The following ZDHHC14 variants were observed in gnomAD, a reference collection of about 807,000 sequenced individuals.
The protein encoded by ZDHHC14 is palmitoyltransferase ZDHHC14.
Under a neutral mutation model 47.7 loss-of-function variants are expected in ZDHHC14, and 16 were observed. The observed-to-expected ratio is 0.34, with a 90% confidence interval of 0.23 to 0.51. The LOEUF (loss-of-function observed/expected upper bound fraction) is 0.51, where lower values mean the gene tolerates loss of function less well. Ranked by LOEUF, ZDHHC14 falls within the 20% of genes least tolerant of loss-of-function variation. ZDHHC14 has a pLI of 0.97. For missense variants in ZDHHC14, 515 were observed against 662.5 expected, an observed-to-expected ratio of 0.78 and a Z score of 2.44; for synonymous variants, 293 against 278.9, an observed-to-expected ratio of 1.05 and a Z score of -0.50.
intron 8 of ZDHHC14, among the ~76,000 whole-genome samples, chr6:157,667,248 T>C (rs1778591610): frequency 1.3e-5 from 2 of 152,212 alleles, no homozygotes; most frequent in Non-Finnish European, 1.5e-5. Context: ...TAGGATTATA[T>C]AACTGGTTAG....
At chr6:157,666,594 T>G (rs951775379) in intron 8 of ZDHHC14, among the ~76,000 whole-genome samples, 1 of 152,222 alleles carries the variant, frequency 6.6e-6, no homozygotes, top group Non-Finnish European at 1.5e-5. Context: ...CAGAAATACA[T>G]GATGCGTAAC....
intron 1 of ZDHHC14, among the ~76,000 whole-genome samples, chr6:157,462,962 T>C (rs1171042208): frequency 6.6e-6 from 1 of 152,234 alleles, no homozygotes; most frequent in African/African-American, 2.4e-5. Context: ...AAGAATAAAA[T>C]ACTGCTGTTT....
chr6:157,651,628 G>A (rs1321543551), intron 7 of ZDHHC14, among the ~76,000 whole-genome samples: 1 of 151,940 alleles, frequency 6.6e-6, no homozygotes, highest in Admixed American at 6.6e-5. Context: ...GAGTGCAATG[G>A]CATGATCTTG....
chr6:157,544,249 C>T (rs1781876746), intron 2 of ZDHHC14, among the ~76,000 whole-genome samples: 1 of 152,246 alleles, frequency 6.6e-6, no homozygotes, highest in Non-Finnish European at 1.5e-5. Flanking sequence ...GCCCAGCTCC[C>T]ATACTGGGGG....
intron 1 of ZDHHC14, among the ~76,000 whole-genome samples, chr6:157,504,771 G>A (rs1310789279): frequency 2.0e-5 from 3 of 146,542 alleles, no homozygotes; most frequent in African/African-American, 5.1e-5. Context: ...ACTACATGCA[G>A]TAAAATACCA....
intron 1 of ZDHHC14, among the ~76,000 whole-genome samples, chr6:157,461,626 G>T (rs1290586358): frequency 2.0e-5 from 3 of 152,292 alleles, no homozygotes; most frequent in African/African-American, 7.2e-5. Context: ...GGGTCTTGAA[G>T]TTAGCAGCCT....
chr6:157,383,656 G>A (rs756853028), intron 1 of ZDHHC14, among the ~76,000 whole-genome samples: 1 of 152,174 alleles, frequency 6.6e-6, no homozygotes, highest in Non-Finnish European at 1.5e-5. Context: ...TGATTTAAGC[G>A]AATTCCCCTT....
At chr6:157,580,344 T>C (rs558662065) in intron 2 of ZDHHC14, among the ~76,000 whole-genome samples, 1 of 152,326 alleles carries the variant, frequency 6.6e-6, no homozygotes, top group Non-Finnish European at 1.5e-5. Flanking sequence ...TTTGGGATAT[T>C]GGCCTGGGGT....
At chr6:157,609,087 G>C (rs1784657764) in intron 3 of ZDHHC14, among the ~76,000 whole-genome samples, 1 of 152,186 alleles carries the variant, frequency 6.6e-6, no homozygotes. Context: ...ATTTTAAGTG[G>C]ATCATGGCTT....
At chr6:157,385,011 G>A (rs1777283535) in intron 1 of ZDHHC14, among the ~76,000 whole-genome samples, 1 of 152,066 alleles carries the variant, frequency 6.6e-6, no homozygotes, top group Non-Finnish European at 1.5e-5. Context: ...TGAACTTCTG[G>A]CCTCAAGTGA....
intron 1 of ZDHHC14, among the ~76,000 whole-genome samples, chr6:157,393,013 G>A (rs181998703): frequency 9.2e-5 from 14 of 152,108 alleles, no homozygotes; most frequent in Admixed American, 8.5e-4. Context: ...TCGAGTAGCT[G>A]GGATTATAGG....
At chr6:157,653,775 G>A in intron 8 of ZDHHC14, 148 bp downstream of exon 8, 1 of 686,700 alleles carries the variant, frequency 1.5e-6, no homozygotes, top group Non-Finnish European at 2.4e-6. Context: ...GCTCAGACAG[G>A]AGGCAAGGCG....
chr6:157,560,994 T>C (rs1256775208), intron 2 of ZDHHC14, among the ~76,000 whole-genome samples: 1 of 152,216 alleles, frequency 6.6e-6, no homozygotes, highest in Non-Finnish European at 1.5e-5. Flanking sequence ...TTGTTTGGAA[T>C]GGAAGCCCAT....
intron 8 of ZDHHC14, among the ~76,000 whole-genome samples, chr6:157,654,267 A>T (rs1195092006): frequency 6.7e-6 from 1 of 150,036 alleles, no homozygotes; most frequent in Admixed American, 6.6e-5. Flanking sequence ...GATCTGGGGG[A>T]GGGGGCAGGA....
At chr6:157,436,151 G>A (rs1209993291) in intron 1 of ZDHHC14, among the ~76,000 whole-genome samples, 1 of 152,186 alleles carries the variant, frequency 6.6e-6, no homozygotes, top group Non-Finnish European at 1.5e-5. Flanking sequence ...AGTTCCCAGA[G>A]TCCTGCCAGG....
rs1221220509 is a variant in ZDHHC14, at chr6:157,502,810, C to G, written c.246-39775C>G. On this transcript the variant is annotated intron_variant, in intron 1 of 8. Coordinates refer to ENST00000359775, the MANE Select transcript of ZDHHC14 (RefSeq NM_024630.3). This position sits in a 1 kb window ranked among gnomAD's most constrained non-coding sequence, Gnocchi z 4.0. Reference sequence around the variant, plus strand: ...GGTTCAAGCGATTCTCCTGGCTCAGCCTCTCAAGTAGCTGGGATTACAGGT... The same window carrying G: ...GGTTCAAGCGATTCTCCTGGCTCAGGCTCTCAAGTAGCTGGGATTACAGGT... Among the ~76,000 whole-genome samples the G allele has an allele frequency of 6.6e-6, 1 of 152,180 alleles. No homozygotes were observed. The highest frequency in any genetic ancestry group is 1.5e-5 in the Non-Finnish European group (1 of 68,030).
intron 5 of ZDHHC14, among the ~76,000 whole-genome samples, chr6:157,640,504 C>G (rs879264939): frequency 1.3e-5 from 2 of 152,172 alleles, no homozygotes; most frequent in African/African-American, 4.8e-5. Context: ...ACTTGTCCAT[C>G]CTGATACCTG....
chr6:157,400,983 A>G (rs553998297), intron 1 of ZDHHC14, among the ~76,000 whole-genome samples: 1 of 152,196 alleles, frequency 6.6e-6, no homozygotes, highest in Admixed American at 6.5e-5. Flanking sequence ...GTGGGCACTA[A>G]ATCAGTCTTT....
At chr6:157,550,921 A>G (rs2114821568) in intron 2 of ZDHHC14, among the ~76,000 whole-genome samples, 2 of 152,306 alleles carry the variant, frequency 1.3e-5, no homozygotes, top group South Asian at 2.1e-4. Flanking sequence ...ATCAGTTCTT[A>G]TATACAGGGC....
Sources: gnomAD v4.1 joint callset for allele counts (sites outside exome capture counted in the v4.1 genomes callset) on GRCh38, gnomAD v4.1.1 for gene constraint, Gnocchi (gnomAD v3.1) non-coding constraint, MANE v1.5 for transcripts, NCBI Gene and HGNC (gene_info 2026-07-23, HGNC 2026-07-21) for gene names.